DLG2: variants seen among roughly 807,000 people sequenced by gnomAD.
DLG2 encodes disks large homolog 2.
DLG2 carries 45 observed loss-of-function variants against 132.5 expected under a neutral mutation model. The ratio of observed to expected loss-of-function variants is 0.34; its 90% CI spans 0.27 to 0.44. The LOEUF is 0.44. Among genes scored for constraint, DLG2 ranks in the 20% least tolerant of loss-of-function variants. The probability of loss-of-function intolerance (pLI) is 1.00; values close to 1 mark genes in which losing one functional copy is unlikely to be tolerated. For missense variants in DLG2, 1,045 were observed against 1,196.9 expected, an observed-to-expected ratio of 0.87 and a Z score of 1.87; for synonymous variants, 424 against 419.6, an observed-to-expected ratio of 1.01 and a Z score of -0.13.
intron 8 of DLG2, among the ~76,000 whole-genome samples, chr11:84,176,073 G>A (rs369438686): frequency 1.3e-4 from 20 of 151,610 alleles, no homozygotes; most frequent in Non-Finnish European, 1.9e-4. Context: ...TATAACAATC[G>A]TATATATAGT....
At chr11:84,357,425 T>C (rs1340952253) in intron 7 of DLG2, among the ~76,000 whole-genome samples, 1 of 151,998 alleles carries the variant, frequency 6.6e-6, no homozygotes, top group African/African-American at 2.4e-5. Context: ...GGTCATACCA[T>C]CCTATTACAT....
chr11:85,090,969 G>C (rs530417918), intron 6 of DLG2, among the ~76,000 whole-genome samples: 1 of 152,308 alleles, frequency 6.6e-6, no homozygotes. Flanking sequence ...TGGTGAAAGA[G>C]GAAACAAAGA....
chr11:85,225,034 T>C (rs2074890836), intron 4 of DLG2, among the ~76,000 whole-genome samples: 1 of 151,024 alleles, frequency 6.6e-6, no homozygotes, highest in Non-Finnish European at 1.5e-5. Context: ...CAGGTTTATC[T>C]TAGGTGTTTG....
At chr11:83,738,079 T>C (rs1423318114) in intron 18 of DLG2, among the ~76,000 whole-genome samples, 1 of 152,158 alleles carries the variant, frequency 6.6e-6, no homozygotes, top group Non-Finnish European at 1.5e-5. Context: ...TTAGTGATGA[T>C]GCCAATTCTC....
Position 84,180,981 on chromosome 11 carries a change from A to G in DLG2, c.574-17470T>C, listed in dbSNP as rs1393166614. Among the ~76,000 whole-genome samples, 3 of 152,178 alleles carry G rather than the reference A, an allele frequency of 2.0e-5. No homozygotes were observed. The East Asian group carries it at 5.8e-4, about 29-fold the overall frequency. On this transcript the variant is annotated intron_variant, in intron 8 of 27. Coordinates refer to ENST00000376104, the MANE Select transcript of DLG2 (RefSeq NM_001142699.3). ...AACATTGATCTACATAAAGAAAGAA[A>G]GAGCTCTGGAGAAAGAATATATGAA...
intron 6 of DLG2, among the ~76,000 whole-genome samples, chr11:84,549,794 C>T (rs989740837): frequency 6.6e-6 from 1 of 152,088 alleles, no homozygotes; most frequent in Non-Finnish European, 1.5e-5. Context: ...CGCTCTGTCA[C>T]CTAGGCTGGA....
At chr11:84,672,458 T>C (rs1027261672) in intron 6 of DLG2, among the ~76,000 whole-genome samples, 1 of 152,142 alleles carries the variant, frequency 6.6e-6, no homozygotes, top group African/African-American at 2.4e-5. Flanking sequence ...AAACCTAACA[T>C]ATTTTTAATA....
At chr11:84,093,111 CTATT>C (rs898978770) in intron 10 of DLG2, among the ~76,000 whole-genome samples, 1 of 151,806 alleles carries the variant, frequency 6.6e-6, no homozygotes, top group African/African-American at 2.4e-5. Flanking sequence ...GAAACTATTT[CTATT>C]TATTAGCTCA....
intron 19 of DLG2, among the ~76,000 whole-genome samples, chr11:83,577,559 AATATATATAT>A (rs1167372199): frequency 0.069 from 5,399 of 78,416 alleles, 267 homozygotes; most frequent in South Asian, 0.18. Context: ...GAATTAATAG[AATATATATAT>A]ATATATATAT....
intron 9 of DLG2, among the ~76,000 whole-genome samples, chr11:84,119,130 C>T (rs1013673630): frequency 1.3e-5 from 2 of 150,678 alleles, no homozygotes; most frequent in African/African-American, 4.9e-5. Flanking sequence ...TACCATATGG[C>T]AAAAGTGACA....
At chr11:83,702,310 T>A (rs950511866) in intron 18 of DLG2, among the ~76,000 whole-genome samples, 1 of 152,210 alleles carries the variant, frequency 6.6e-6, no homozygotes, top group Non-Finnish European at 1.5e-5. Context: ...CATCTTCTTC[T>A]ACTTAACAAT....
chr11:84,227,864 A>G (rs2097026201), intron 8 of DLG2, among the ~76,000 whole-genome samples: 1 of 151,288 alleles, frequency 6.6e-6, no homozygotes, highest in Non-Finnish European at 1.5e-5. Context: ...CAATGAACTA[A>G]GATCACACCA....
At chr11:83,481,048 A>G (rs917836127) in intron 22 of DLG2, among the ~76,000 whole-genome samples, 4 of 152,142 alleles carry the variant, frequency 2.6e-5, no homozygotes, top group African/African-American at 9.7e-5. Context: ...AATCAGCTCA[A>G]TAGTTCCTTG....
At chr11:84,855,892 C>G (rs902941879) in intron 6 of DLG2, among the ~76,000 whole-genome samples, 1 of 151,938 alleles carries the variant, frequency 6.6e-6, no homozygotes, top group Non-Finnish European at 1.5e-5. Flanking sequence ...AGAAAAGAAA[C>G]GTGGAAATTT....
intron 6 of DLG2, among the ~76,000 whole-genome samples, chr11:84,544,238 G>C (rs1045258098): frequency 1.3e-5 from 2 of 152,184 alleles, no homozygotes; most frequent in African/African-American, 2.4e-5. Context: ...AAAGTTAACT[G>C]TTTAATTCTA....
intron 6 of DLG2, among the ~76,000 whole-genome samples, chr11:85,066,584 A>C (rs573477035): frequency 2.0e-5 from 3 of 151,912 alleles, no homozygotes; most frequent in African/African-American, 7.2e-5. Flanking sequence ...AATTAAAAAG[A>C]TAATACACCA....
intron 6 of DLG2, among the ~76,000 whole-genome samples, chr11:84,706,965 T>C (rs375983968): frequency 6.6e-6 from 1 of 151,808 alleles, no homozygotes; most frequent in African/African-American, 2.4e-5. Context: ...TAAGGGAGAC[T>C]TGTACACCAA....
chr11:85,296,492 GTTCT>G (rs2079225401), intron 3 of DLG2, among the ~76,000 whole-genome samples: 1 of 81,670 alleles, frequency 1.2e-5, no homozygotes, highest in Admixed American at 1.2e-4. Context: ...TTTTCACTTA[GTTCT>G]TTCTTATTTT....
chr11:83,997,056 G>A (rs1032390192), intron 11 of DLG2, among the ~76,000 whole-genome samples: 2 of 151,346 alleles, frequency 1.3e-5, no homozygotes, highest in African/African-American at 4.9e-5. Flanking sequence ...TGACATGCCT[G>A]TATCAAAATA....
Sources: gnomAD v4.1 joint callset for allele counts (sites outside exome capture counted in the v4.1 genomes callset) on GRCh38, gnomAD v4.1.1 for gene constraint, MANE v1.5 for transcripts, NCBI Gene and HGNC (gene_info 2026-07-23, HGNC 2026-07-21) for gene names.